The following FGFBP1 variants were observed in gnomAD, a reference collection of about 807,000 sequenced individuals.
The protein encoded by FGFBP1 is fibroblast growth factor-binding protein 1.
Under a neutral mutation model 14.6 loss-of-function variants are expected in FGFBP1, and 12 were observed. That is an observed-to-expected ratio of 0.82 (90% CI 0.53 to 1.33). The LOEUF (loss-of-function observed/expected upper bound fraction) is 1.33. Ranked by LOEUF, FGFBP1 falls within the 40% of genes most tolerant of loss-of-function variation. FGFBP1 has a pLI of 0.00. For synonymous variants in FGFBP1, 117 were observed against 105.0 expected (o/e 1.11, Z -0.70); for missense variants, 317 against 271.8 (o/e 1.17, Z -1.17).
rs778645768 is a variant in FGFBP1 at position 15,938,412 on chromosome 4, T to C, written c.-182A>G. On this transcript the variant is annotated 5_prime_UTR_variant, in exon 2 of 3. Coordinates refer to ENST00000382333, the MANE Select transcript of FGFBP1 (RefSeq NM_005130.5). ...TGGGTTTTTACAACACTGTGGCACG[T>C]TACTCACAGCTCCTCCCAGCCACGC... The C allele has an allele frequency of 4.6e-5, 7 of 152,322 alleles. No homozygotes were observed. The highest frequency in any genetic ancestry group is 1.3e-4 in the Admixed American group (2 of 15,278). 9.4% of individuals were successfully genotyped at this position (152,322 alleles called of 1,614,324 possible).
At chr4:15,938,500 T>G (rs1369869251) in intron 1 of FGFBP1, 29 bp from the exon 2 acceptor site, 1 of 152,438 alleles carries the variant, frequency 6.6e-6, no homozygotes, top group Non-Finnish European at 1.5e-5. Context: ...AAAGGGGGGT[T>G]ACCTGCATGC....
rs1712461464 is a variant in FGFBP1 at position 15,935,836 on chromosome 4, C to CAAGGGAAT, written c.*91_*92insATTCCCTT. 1 of 756,646 alleles carries CAAGGGAAT rather than the reference C, an allele frequency of 1.3e-6. No homozygotes were observed. The highest frequency in any genetic ancestry group is 2.7e-5 in the Admixed American group (1 of 37,400). 46.9% of individuals were successfully genotyped at this position (756,646 alleles called of 1,614,324 possible). On this transcript the variant is annotated 3_prime_UTR_variant, in exon 3 of 3. Coordinates refer to ENST00000382333, the MANE Select transcript of FGFBP1 (RefSeq NM_005130.5). ...GTTGCACTCACTAAGCACAAAAGTT[C>CAAGGGAAT]ATATTTTGGGGGGACTGTAGAGAGC...
At chr4:15,936,725 C>A (rs1712505776) in intron 2 of FGFBP1, 73 bp from the exon 3 acceptor site, 1 of 869,032 alleles carries the variant, frequency 1.2e-6, no homozygotes, top group South Asian at 1.7e-5. Context: ...CTGGCCTCCC[C>A]CTACCCTGAC....
chr4:15,936,340 C>T lies in FGFBP1; in HGVS notation c.293G>A (p.Gly98Asp). 6.2e-7 allele frequency: 1 copy of T among 1,614,186 alleles called. No individual in the cohort carries two copies. Among genetic ancestry groups the T allele is most frequent in the South Asian group, 1.1e-5 (1 of 91,080 alleles). Residue 98 changes from glycine to aspartate, a missense_variant, in exon 3 of 3, where the codon GGC becomes GAC. Gly to Asp is a moderately conservative substitution (Grantham distance 94). Coordinates refer to ENST00000382333, the MANE Select transcript of FGFBP1 (RefSeq NM_005130.5). The part of the protein sequence containing the change: ...LDHEFSCVFA[G>D]NPTSCLKLKD... ...GAGCTTTAGGCATGAGGTTGGATTG[C>T]CAGCAAAGACACAGGAAAATTCATG...
intron 2 of FGFBP1, among the ~76,000 whole-genome samples, chr4:15,937,049 A>G (rs1179942722): frequency 6.6e-6 from 1 of 151,908 alleles, no homozygotes; most frequent in Non-Finnish European, 1.5e-5. Context: ...CTTAGAGACC[A>G]CTCTTTGGGA....
At chr4:15,937,827 T>C (rs1712533224) in intron 2 of FGFBP1, among the ~76,000 whole-genome samples, 3 of 152,256 alleles carry the variant, frequency 2.0e-5, no homozygotes, top group South Asian at 4.1e-4. Flanking sequence ...TTTTCACATT[T>C]ACTCTGCCCT....
chr4:15,936,519 T>C lies in FGFBP1; in HGVS notation c.114A>G (p.Glu38=), dbSNP rs745887030. The change falls in exon 3 of 3, where the codon GAA becomes GAG. Residue 38 remains glutamate (E), a synonymous_variant. Transcript: ENST00000382333. ...GGGTGTTGCCCAGAGTGTCCTTTTG[T>C]TCTGAGACCACTTTGCTGTGAAGTC... ...KNGLHSKVVS[E]QKDTLGNTQI... is the part of the protein sequence containing the mutation. The C allele has an allele frequency of 1.4e-5, 23 of 1,614,064 alleles. No individual in the cohort carries two copies. The highest frequency in any genetic ancestry group is 1.7e-5 in the Non-Finnish European group (20 of 1,180,028).
chr4:15,935,898 C>T lies in FGFBP1; in HGVS notation c.*30G>A, dbSNP rs765176402. 1.4e-5 allele frequency: 21 copies of T among 1,456,932 alleles called. 1 individual carries two copies. In the Admixed American group the frequency reaches 2.4e-4, roughly 17 times the overall value. The allele number at this position is 1,456,932 out of a possible 1,614,324, so 90.3% of individuals were successfully genotyped here. A position where few individuals can be genotyped will look rare whatever the true frequency, so the allele number is the denominator to read the frequency against. On this transcript the variant is annotated 3_prime_UTR_variant, in exon 3 of 3. Transcript: ENST00000382333. ...CAGAGGGACTTACGACATGACATCT[C>T]TTAAGGGAACCCGTTCTCTTTTGAC... is the stretch of plus-strand genomic sequence containing the variant.
At position 15,936,609 on chromosome 4, in the gene FGFBP1, C is replaced by G; in HGVS notation, c.24G>C (p.Leu8=). MKICSLT[L]LSFLLLAAQV... is the part of the protein sequence containing the mutation. ...GAGCAGCCAGTAGGAGGAAGGAGAG[C>G]AGGGTGAGGCTACAGATCTTCATGG... The change falls in exon 3 of 3, where the codon CTG becomes CTC. Residue 8 remains leucine, a synonymous_variant. Coordinates refer to ENST00000382333, the MANE Select transcript of FGFBP1 (RefSeq NM_005130.5). The G allele has an allele frequency of 2.5e-6, 4 of 1,610,622 alleles. No homozygotes were observed. The highest frequency in any genetic ancestry group is 1.3e-5 in the African/African-American group (1 of 74,954).
rs769225309 is a variant in FGFBP1 at position 15,936,042 on chromosome 4, A to G, written c.591T>C (p.Cys197=). 6.2e-7 allele frequency: 1 copy of G among 1,614,022 alleles called. No individual in the cohort carries two copies. Among genetic ancestry groups the G allele is most frequent in the African/African-American group, 1.3e-5 (1 of 74,916 alleles). ...TQTMATKAPE[C]VEDPDMANQR... is the part of the protein sequence containing the mutation. The stretch of plus-strand genomic sequence containing the variant: ...GGTTTGCCATATCTGGGTCCTCCAC[A>G]CACTCGGGAGCTTTGGTGGCCATGG... Residue 197 remains cysteine, a synonymous_variant, in exon 3 of 3, where the codon TGT becomes TGC. Transcript: ENST00000382333.
Position 15,936,578 on chromosome 4 carries a change from G to C in FGFBP1, c.55C>G (p.Leu19Val), listed in dbSNP as rs1009063817. ...ACTTTTTTTTTCCCCTCCACCAGGAGCACCTGAGCAGCCAGTAGGAGGAAG... is the reference window on the plus strand; with the variant it reads ...ACTTTTTTTTTCCCCTCCACCAGGACCACCTGAGCAGCCAGTAGGAGGAAG... ...LSFLLLAAQV[L>V]LVEGKKKVKN... Residue 19 changes from leucine (L) to valine (V), a missense_variant, in exon 3 of 3, where the codon CTC becomes GTC. Leu to Val is a conservative substitution (Grantham distance 32). Coordinates refer to ENST00000382333, the MANE Select transcript of FGFBP1 (RefSeq NM_005130.5). 1 of 1,613,068 alleles carries C rather than the reference G, an allele frequency of 6.2e-7. No individual in the cohort carries two copies. The highest frequency in any genetic ancestry group is 8.5e-7 in the Non-Finnish European group (1 of 1,179,990).
At position 15,935,819 on chromosome 4, in the gene FGFBP1, C is replaced by A. The variant is rs1035293799; in HGVS notation, c.*109G>T. On this transcript the variant is annotated 3_prime_UTR_variant, in exon 3 of 3. Coordinates refer to ENST00000382333, the MANE Select transcript of FGFBP1 (RefSeq NM_005130.5). ...ACTTGTTTAAATATTTCGTTGCACT[C>A]ACTAAGCACAAAAGTTCATATTTTG... is the stretch of plus-strand genomic sequence containing the variant. 7 of 665,746 alleles carry A rather than the reference C, an allele frequency of 1.1e-5. No homozygotes were observed. In the African/African-American group the frequency reaches 1.1e-4, roughly 10 times the overall value. 41.2% of individuals were successfully genotyped at this position (665,746 alleles called of 1,614,324 possible). A position where few individuals can be genotyped will look rare whatever the true frequency, so the allele number is the denominator to read the frequency against.
rs1170370761 is a variant in FGFBP1 at position 15,935,618 on chromosome 4, G to A, written c.*310C>T. 3 of 235,982 alleles carry A rather than the reference G, an allele frequency of 1.3e-5. No individual in the cohort carries two copies. Among genetic ancestry groups the A allele is most frequent in the Non-Finnish European group, 2.4e-5 (3 of 123,586 alleles). 14.6% of individuals were successfully genotyped at this position (235,982 alleles called of 1,614,324 possible). A position where few individuals can be genotyped will look rare whatever the true frequency, so the allele number is the denominator to read the frequency against. ...CCAGAGTTTTATTACCATTAATTCAGCAGAAAGTTCGTTGCACTGAAATTA... is the reference window on the plus strand; with the variant it reads ...CCAGAGTTTTATTACCATTAATTCAACAGAAAGTTCGTTGCACTGAAATTA... On this transcript the variant is annotated 3_prime_UTR_variant, in exon 3 of 3. Coordinates refer to ENST00000382333, the MANE Select transcript of FGFBP1 (RefSeq NM_005130.5).
At chr4:15,936,714 G>T in intron 2 of FGFBP1, 62 bp from the exon 3 acceptor site, 1 of 1,014,598 alleles carries the variant, frequency 9.9e-7, no homozygotes, top group Non-Finnish European at 1.5e-6. Flanking sequence ...AGGACTACAC[G>T]CTGGCCTCCC....
chr4:15,936,187 T>C lies in FGFBP1; in HGVS notation c.446A>G (p.Lys149Arg). 6.2e-7 allele frequency: 1 copy of C among 1,614,222 alleles called. No individual in the cohort carries two copies. Among genetic ancestry groups the C allele is most frequent in the Non-Finnish European group, 8.5e-7 (1 of 1,180,030 alleles). Residue 149 changes from lysine (K) to arginine (R), a missense_variant, in exon 3 of 3, where the codon AAG (lysine) becomes AGG (arginine). Transcript: ENST00000382333. ...CCCAAATAGAGTGGAGCTGACTAGC[T>C]TAAGACTGGATTCTGGAAAATCCTT... ...CRKDFPESSL[K>R]LVSSTLFGNT...
rs143612113 is a variant in FGFBP1, at chr4:15,936,416, T to C, written c.217A>G (p.Thr73Ala). Reference protein sequence around the residue: ...KDQANCRWAATEQEEGISLKV... With the variant: ...KDQANCRWAAAEQEEGISLKV... ...AGAGAGATGCCCTCCTCCTGCTCAG[T>C]AGCAGCCCATCTGCAGTTGGCTTGG... Residue 73 changes from threonine to alanine, a missense_variant, in exon 3 of 3, where the codon ACT becomes GCT. Thr to Ala is a moderately conservative substitution (Grantham distance 58). Transcript: ENST00000382333. The C allele has an allele frequency of 5.6e-5, 91 of 1,614,224 alleles. No individual in the cohort carries two copies. In the African/African-American group the frequency reaches 1.1e-3, roughly 19 times the overall value.
rs1241389122 is a variant in FGFBP1 at position 15,938,474 on chromosome 4, G to A, written c.-241-3C>T. 1 of 152,408 alleles carries A rather than the reference G, an allele frequency of 6.6e-6. No homozygotes were observed. Among genetic ancestry groups the A allele is most frequent in the Non-Finnish European group, 1.5e-5 (1 of 68,106 alleles). 9.4% of individuals were successfully genotyped at this position (152,408 alleles called of 1,614,324 possible). ...AGCCGGTTCCTGCAGGGAAAGTGCT[G>A]GATGTAATCCAGTGAAAAGGGGGGT... is the stretch of plus-strand genomic sequence containing the variant. On this transcript the variant is annotated splice_polypyrimidine_tract_variant and splice_region_variant and intron_variant, in intron 1 of 2. Coordinates refer to ENST00000382333, the MANE Select transcript of FGFBP1 (RefSeq NM_005130.5).
At position 15,935,751 on chromosome 4, in the gene FGFBP1, A is replaced by G; in HGVS notation, c.*177T>C. On this transcript the variant is annotated 3_prime_UTR_variant, in exon 3 of 3. Transcript: ENST00000382333. ...ACAGCCTCTGAACATCGCATCCAAG[A>G]AAAATAAGGCAAATTCCAAAACACA... The G allele has an allele frequency of 2.0e-6, 1 of 505,580 alleles. No individual in the cohort carries two copies. The highest frequency in any genetic ancestry group is 3.5e-6 in the Non-Finnish European group (1 of 289,302). 31.3% of individuals were successfully genotyped at this position (505,580 alleles called of 1,614,324 possible). A position where few individuals can be genotyped will look rare whatever the true frequency, so the allele number is the denominator to read the frequency against.
intron 2 of FGFBP1, among the ~76,000 whole-genome samples, chr4:15,937,127 G>C (rs944351932): frequency 2.6e-5 from 4 of 152,184 alleles, no homozygotes; most frequent in Admixed American, 2.6e-4. Context: ...ACAAGTTACT[G>C]CTCCAAACTT....
Sources: gnomAD v4.1 joint callset for allele counts (sites outside exome capture counted in the v4.1 genomes callset) on GRCh38, gnomAD v4.1.1 for gene constraint, MANE v1.5 for transcripts, NCBI Gene and HGNC (gene_info 2026-07-23, HGNC 2026-07-21) for gene names.